TENM3: variants seen among roughly 807,000 people sequenced by gnomAD.
TENM3 encodes the protein teneurin-3.
In TENM3, 63 loss-of-function variants were observed where a neutral mutation model predicts 255.1. The ratio of observed to expected loss-of-function variants is 0.25; its 90% confidence interval spans 0.20 to 0.30. The LOEUF is 0.30. Ranked by LOEUF, TENM3 falls within the 10% of genes least tolerant of loss-of-function variation. The pLI, the probability that TENM3 is intolerant of heterozygous loss-of-function variation, is 1.00. For missense variants in TENM3, 2,929 were observed against 3,461.1 expected (o/e 0.85, Z 3.86); for synonymous variants, 1,306 against 1,322.3 (o/e 0.99, Z 0.27).
intron 12 of TENM3, among the ~76,000 whole-genome samples, chr4:182,702,435 T>A (rs1757943883): frequency 6.6e-6 from 1 of 152,150 alleles, no homozygotes; most frequent in African/African-American, 2.4e-5. Context: ...AAAGTCAGAC[T>A]TTTTCTTTTC....
At chr4:182,085,864 C>T in the TENM3 span, among the ~76,000 whole-genome samples, 2 of 152,128 alleles carry the variant, frequency 1.3e-5, no homozygotes, top group Non-Finnish European at 2.9e-5. Flanking sequence ...AACCATTTCT[C>T]TTTTTATGCT....
At chr4:181,812,450 G>A in the TENM3 span, among the ~76,000 whole-genome samples, 1 of 152,146 alleles carries the variant, frequency 6.6e-6, no homozygotes, top group Non-Finnish European at 1.5e-5. Context: ...GGAAAAATTA[G>A]TTATGCTGAT....
At chr4:181,824,385 G>A in the TENM3 span, among the ~76,000 whole-genome samples, 3 of 151,996 alleles carry the variant, frequency 2.0e-5, no homozygotes, top group African/African-American at 7.3e-5. Context: ...ATAGGCTTGA[G>A]TCACTGCACC....
At chr4:182,015,627 C>A in the TENM3 span, among the ~76,000 whole-genome samples, 1 of 151,688 alleles carries the variant, frequency 6.6e-6, no homozygotes, top group East Asian at 1.9e-4. Flanking sequence ...GTGGTGCGAT[C>A]TTGGCTCACT....
the TENM3 span, among the ~76,000 whole-genome samples, chr4:181,597,468 T>C: frequency 6.6e-6 from 1 of 152,228 alleles, no homozygotes; most frequent in African/African-American, 2.4e-5. Flanking sequence ...CTGTATATTA[T>C]CTTTTATTAA....
At chr4:182,682,106 A>T in intron 11 of TENM3, 92 bp downstream of exon 11, 3 of 1,018,142 alleles carry the variant, frequency 2.9e-6, no homozygotes, top group Non-Finnish European at 4.4e-6. Flanking sequence ...TTTAAACCTA[A>T]TACAAATTTT....
chr4:181,811,571 G>A, the TENM3 span, among the ~76,000 whole-genome samples: 1 of 152,222 alleles, frequency 6.6e-6, no homozygotes, highest in Non-Finnish European at 1.5e-5. Context: ...GAAGGAAAGA[G>A]GTTTAATGGA....
At chr4:181,685,326 A>G in the TENM3 span, among the ~76,000 whole-genome samples, 1 of 152,190 alleles carries the variant, frequency 6.6e-6, no homozygotes, top group Non-Finnish European at 1.5e-5. Flanking sequence ...TGAAGATTTC[A>G]AATATGCACT....
rs546475332 is a variant in TENM3 at position 182,287,715 on chromosome 4, G to A, written c.-75-36231G>A. 4.6e-5 allele frequency among the ~76,000 whole-genome samples: 7 copies of A among 151,936 alleles called. No homozygotes were observed. The South Asian group carries it at 1.2e-3, about 27-fold the overall frequency. On this transcript the variant is annotated intron_variant, in intron 1 of 27. Coordinates refer to ENST00000511685, the MANE Select transcript of TENM3 (RefSeq NM_001080477.4). ...TGCAAGCTCCGCCTCCCAGGTTGACGCCATTCTCCTGCCTCAGCCTCCCGA... is the reference window on the plus strand; with the variant it reads ...TGCAAGCTCCGCCTCCCAGGTTGACACCATTCTCCTGCCTCAGCCTCCCGA...
the TENM3 span, among the ~76,000 whole-genome samples, chr4:181,556,562 T>G: frequency 6.6e-6 from 1 of 152,298 alleles, no homozygotes; most frequent in South Asian, 2.1e-4. Flanking sequence ...ACTCTGGACA[T>G]TTTTTCTATT....
chr4:182,737,660 T>G (rs1331726477), intron 17 of TENM3, among the ~76,000 whole-genome samples: 1 of 152,176 alleles, frequency 6.6e-6, no homozygotes, highest in African/African-American at 2.4e-5. Flanking sequence ...AGGTATATAG[T>G]ATAGCTTCAA....
At chr4:182,418,977 G>GACAGGAAGGTT (rs1770593192) in intron 3 of TENM3, among the ~76,000 whole-genome samples, 1 of 152,154 alleles carries the variant, frequency 6.6e-6, no homozygotes, top group African/African-American at 2.4e-5. Context: ...GAGTGGATAC[G>GACAGGAAGGTT]ACAGGAAGGT....
chr4:182,292,093 T>C (rs1284620117), intron 1 of TENM3, among the ~76,000 whole-genome samples: 2 of 152,216 alleles, frequency 1.3e-5, no homozygotes, highest in African/African-American at 4.8e-5. Context: ...TGCCTTCTGT[T>C]GTTTATGGAA....
the TENM3 span, among the ~76,000 whole-genome samples, chr4:181,599,916 A>G: frequency 6.6e-6 from 1 of 152,200 alleles, no homozygotes; most frequent in Non-Finnish European, 1.5e-5. Flanking sequence ...ACAATTCGCA[A>G]TAACTTACAT....
At chr4:182,132,408 G>C in the TENM3 span, among the ~76,000 whole-genome samples, 2 of 151,842 alleles carry the variant, frequency 1.3e-5, no homozygotes, top group Non-Finnish European at 2.9e-5. Context: ...GCTTGAACTT[G>C]GGAGGTGGAG....
the TENM3 span, among the ~76,000 whole-genome samples, chr4:181,694,530 T>A: frequency 1.3e-5 from 2 of 152,222 alleles, no homozygotes; most frequent in African/African-American, 4.8e-5. Flanking sequence ...AATGGGCTAT[T>A]TAGCTAGTTC....
chr4:181,782,684 G>C, the TENM3 span, among the ~76,000 whole-genome samples: 115 of 152,110 alleles, frequency 7.6e-4, no homozygotes, highest in African/African-American at 2.6e-3. Flanking sequence ...GTTTGCTCTT[G>C]CTTCTCTAGT....
At chr4:181,705,205 G>T in the TENM3 span, among the ~76,000 whole-genome samples, 1,983 of 152,240 alleles carry the variant, frequency 0.013, 39 homozygotes, top group African/African-American at 0.045. Context: ...AGCACAATCT[G>T]CACTGAAAAT....
At chr4:181,682,595 T>A in the TENM3 span, among the ~76,000 whole-genome samples, 11 of 152,042 alleles carry the variant, frequency 7.2e-5, no homozygotes, top group Admixed American at 5.2e-4. Flanking sequence ...AGAGAAAAAA[T>A]ATATATATGC....
Sources: gnomAD v4.1 joint callset for allele counts (sites outside exome capture counted in the v4.1 genomes callset) on GRCh38, gnomAD v4.1.1 for gene constraint, MANE v1.5 for transcripts, NCBI Gene and HGNC (gene_info 2026-07-23, HGNC 2026-07-21) for gene names.